Variants in ADAMTSL1 observed in about 807,000 individuals in gnomAD.
ADAMTSL1 encodes ADAMTS-like protein 1.
A neutral mutation model predicts 201.8 loss-of-function variants in ADAMTSL1; 126 were observed. The observed-to-expected ratio is 0.62, with a 90% CI of 0.54 to 0.72. The LOEUF is 0.72. ADAMTSL1 is among the 30% of genes least tolerant of loss of function. The pLI, the probability that ADAMTSL1 is intolerant of heterozygous loss-of-function variation, is 0.00. For synonymous variants in ADAMTSL1, 1,121 were observed against 903.4 expected (o/e 1.24, Z -4.32); for missense variants, 2,679 against 2,277.8 (o/e 1.18, Z -3.59).
chr9:18,639,131 G>A (rs926326373), intron 6 of ADAMTSL1, 123 bp from the exon 7 acceptor site: 2 of 869,804 alleles, frequency 2.3e-6, no homozygotes, highest in South Asian at 1.6e-5. Context: ...TTTCAATTTT[G>A]TCAGCTATAT....
intron 4 of ADAMTSL1, among the ~76,000 whole-genome samples, chr9:18,584,595 G>A (rs1683062741): frequency 6.7e-6 from 1 of 150,068 alleles, no homozygotes. Flanking sequence ...TCTTTCTAAG[G>A]CCTCACCAGA....
intron 7 of ADAMTSL1, among the ~76,000 whole-genome samples, chr9:18,645,488 C>T (rs1827748342): frequency 6.6e-6 from 1 of 150,490 alleles, no homozygotes. Context: ...AATGGTAATG[C>T]CTAGGTTTTC....
rs112932363 is a variant in ADAMTSL1 at position 18,220,378 on chromosome 9, A to G, written c.207+56397A>G. On this transcript the variant is annotated intron_variant, in intron 2 of 29. Coordinates refer to the ADAMTSL1 transcript ENST00000680146. ...CTTTTACCATTATGTAGTGACCCTC[A>G]TTTTTCTTGAAAATTATTTTTCCTT... Among the ~76,000 whole-genome samples, 1,498 of 152,218 alleles carry G rather than the reference A, an allele frequency of 9.8e-3. 27 individuals are homozygous for G. The highest frequency in any genetic ancestry group is 0.034 in the African/African-American group (1,400 of 41,554).
intron 2 of ADAMTSL1, among the ~76,000 whole-genome samples, chr9:18,307,157 C>T (rs1418597409): frequency 1.3e-5 from 2 of 152,012 alleles, no homozygotes; most frequent in Non-Finnish European, 2.9e-5. Flanking sequence ...GAGATTTTTT[C>T]ACCACCAGGC....
chr9:18,030,651 C>G (rs1820911715), intron 1 of ADAMTSL1, among the ~76,000 whole-genome samples: 1 of 152,060 alleles, frequency 6.6e-6, no homozygotes, highest in Non-Finnish European at 1.5e-5. Flanking sequence ...CAGTATGTCA[C>G]AGGACTTCTC....
chr9:18,499,953 C>T, intron 1 of ADAMTSL1, among the ~76,000 whole-genome samples: 1 of 152,020 alleles, frequency 6.6e-6, no homozygotes, highest in East Asian at 1.9e-4. Flanking sequence ...TTTCCAAGTA[C>T]CCTGTATATG....
chr9:18,806,579 T>C (rs1290059016), intron 20 of ADAMTSL1, among the ~76,000 whole-genome samples: 1 of 152,222 alleles, frequency 6.6e-6, no homozygotes, highest in Non-Finnish European at 1.5e-5. Context: ...ACTTTCCATC[T>C]CCTCTGGCTT....
chr9:18,547,040 T>C (rs994936739), intron 3 of ADAMTSL1, among the ~76,000 whole-genome samples: 1 of 152,192 alleles, frequency 6.6e-6, no homozygotes, highest in Non-Finnish European at 1.5e-5. Context: ...GCCAAGAAGA[T>C]GTTTCTTAGA....
intron 16 of ADAMTSL1, among the ~76,000 whole-genome samples, chr9:18,757,952 C>G (rs1048364319): frequency 1.3e-5 from 2 of 152,232 alleles, no homozygotes; most frequent in African/African-American, 2.4e-5. Flanking sequence ...CTGTGTTCAG[C>G]ACAGCTCTAG....
chr9:18,026,273 T>A (rs1238987848), intron 1 of ADAMTSL1, among the ~76,000 whole-genome samples: 1 of 152,078 alleles, frequency 6.6e-6, no homozygotes, highest in African/African-American at 2.4e-5. Flanking sequence ...ATAAGCATTC[T>A]TGTCTTCTTT....
At chr9:18,020,011 G>C (rs957362784) in intron 1 of ADAMTSL1, among the ~76,000 whole-genome samples, 1 of 151,982 alleles carries the variant, frequency 6.6e-6, no homozygotes, top group Middle Eastern at 3.2e-3. Flanking sequence ...TGTGTACATT[G>C]GTTATCCTGT....
At chr9:18,021,302 T>C (rs904693756) in intron 1 of ADAMTSL1, among the ~76,000 whole-genome samples, 2 of 152,060 alleles carry the variant, frequency 1.3e-5, no homozygotes, top group Admixed American at 6.6e-5. Flanking sequence ...TTCTGTGGAG[T>C]AGTGATATTT....
At chr9:18,872,405 C>T (rs1215166040) in intron 23 of ADAMTSL1, among the ~76,000 whole-genome samples, 1 of 151,998 alleles carries the variant, frequency 6.6e-6, no homozygotes, top group Non-Finnish European at 1.5e-5. Flanking sequence ...TCTTCAGTGG[C>T]CTGATTTCTG....
chr9:18,655,452 A>G (rs1828567992), intron 7 of ADAMTSL1, among the ~76,000 whole-genome samples: 1 of 152,148 alleles, frequency 6.6e-6, no homozygotes, highest in Admixed American at 6.5e-5. Context: ...AATTACATAT[A>G]CCAGATGTGT....
intron 1 of ADAMTSL1, among the ~76,000 whole-genome samples, chr9:18,142,378 G>C (rs559633085): frequency 6.6e-6 from 1 of 152,164 alleles, no homozygotes; most frequent in African/African-American, 2.4e-5. Context: ...GTGGAATAGG[G>C]AACAATGAAA....
intron 23 of ADAMTSL1, among the ~76,000 whole-genome samples, chr9:18,875,750 A>G (rs977147055): frequency 2.0e-5 from 3 of 152,326 alleles, no homozygotes; most frequent in African/African-American, 7.2e-5. Context: ...TATTCTACAA[A>G]TATCTGTTAA....
At chr9:18,381,979 A>G (rs1563924709) in intron 2 of ADAMTSL1, among the ~76,000 whole-genome samples, 1 of 152,162 alleles carries the variant, frequency 6.6e-6, no homozygotes, top group Non-Finnish European at 1.5e-5. Context: ...AGACAGGTCA[A>G]TGAAATATTT....
intron 23 of ADAMTSL1, among the ~76,000 whole-genome samples, chr9:18,880,522 A>C (rs1828460900): frequency 6.6e-6 from 1 of 152,214 alleles, no homozygotes; most frequent in Admixed American, 6.5e-5. Flanking sequence ...ATAACCAGTA[A>C]TATTTTGAAA....
chr9:18,566,030 G>A (rs1821870783), intron 3 of ADAMTSL1, among the ~76,000 whole-genome samples: 1 of 152,058 alleles, frequency 6.6e-6, no homozygotes, highest in Non-Finnish European at 1.5e-5. Flanking sequence ...TGTTAAATTT[G>A]TTTACATGGA....
Sources: allele counts gnomAD v4.1 joint callset (sites outside exome capture counted in the v4.1 genomes callset), GRCh38; gene constraint gnomAD v4.1.1; transcripts MANE v1.5; gene names NCBI Gene and HGNC (gene_info 2026-07-23, HGNC 2026-07-21).